Variants in TENM3 observed in about 807,000 individuals in gnomAD.
The protein encoded by TENM3 is teneurin-3.
Under a neutral mutation model 255.1 loss-of-function variants are expected in TENM3, and 63 were observed. The ratio of observed to expected loss-of-function variants is 0.25; its 90% CI spans 0.20 to 0.30. The LOEUF (loss-of-function observed/expected upper bound fraction) is 0.30, where lower values mean the gene tolerates loss of function less well. TENM3 is among the 10% of genes least tolerant of loss of function. The pLI, the probability that TENM3 is intolerant of heterozygous loss-of-function variation, is 1.00. For missense variants in TENM3, 2,929 were observed against 3,461.1 expected, an observed-to-expected ratio of 0.85 and a Z score of 3.86; for synonymous variants, 1,306 against 1,322.3, an observed-to-expected ratio of 0.99 and a Z score of 0.27.
chr4:182,109,771 T>C, the TENM3 span, among the ~76,000 whole-genome samples: 1 of 152,198 alleles, frequency 6.6e-6, no homozygotes, highest in Non-Finnish European at 1.5e-5. Flanking sequence ...GAAAGGAAAG[T>C]GAATTAAAAT....
At chr4:181,525,040 G>A in the TENM3 span, among the ~76,000 whole-genome samples, 3 of 152,146 alleles carry the variant, frequency 2.0e-5, no homozygotes, top group Non-Finnish European at 4.4e-5. Context: ...TGAACCTATT[G>A]TTTAATGCAG....
At chr4:182,109,440 G>A in the TENM3 span, among the ~76,000 whole-genome samples, 1 of 151,434 alleles carries the variant, frequency 6.6e-6, no homozygotes, top group African/African-American at 2.4e-5. Context: ...TTTTGAATAC[G>A]AACTTATTCT....
At chr4:181,805,933 G>A in the TENM3 span, among the ~76,000 whole-genome samples, 1 of 151,866 alleles carries the variant, frequency 6.6e-6, no homozygotes, top group Non-Finnish European at 1.5e-5. Context: ...CTCTTTCCCC[G>A]TAAAATAAGG....
At chr4:182,183,537 G>T (rs1035812576) in intron 1 of TENM3, among the ~76,000 whole-genome samples, 1 of 152,168 alleles carries the variant, frequency 6.6e-6, no homozygotes, top group Admixed American at 6.5e-5. Context: ...CTCCAGGAAT[G>T]ATAAGGAATG....
the TENM3 span, among the ~76,000 whole-genome samples, chr4:182,035,225 T>C: frequency 6.6e-6 from 1 of 152,258 alleles, no homozygotes; most frequent in African/African-American, 2.4e-5. Flanking sequence ...GTCTTACATG[T>C]TGAGTCCAAA....
At chr4:182,398,908 C>G (rs1463300636) in intron 3 of TENM3, among the ~76,000 whole-genome samples, 3 of 152,164 alleles carry the variant, frequency 2.0e-5, no homozygotes. Context: ...ATTGCCAACT[C>G]CTTAGTTCAA....
intron 1 of TENM3, among the ~76,000 whole-genome samples, chr4:182,166,713 C>T (rs1455088578): frequency 6.6e-6 from 1 of 152,114 alleles, no homozygotes; most frequent in African/African-American, 2.4e-5. Flanking sequence ...CTCACTGCAA[C>T]CTCTGCCTCC....
intron 3 of TENM3, among the ~76,000 whole-genome samples, chr4:182,453,074 G>T (rs953017312): frequency 1.3e-5 from 2 of 151,868 alleles, no homozygotes; most frequent in African/African-American, 4.8e-5. Context: ...TGAAAGGATG[G>T]TATTTTCATA....
rs4380559 is a variant in TENM3, at chr4:182,799,283, G to C, written c.7345-313G>C. On this transcript the variant is annotated intron_variant, in intron 27 of 27. Transcript: ENST00000511685. The surrounding 1 kb of genome is among the most constrained non-coding windows in gnomAD (Gnocchi z 4.2). ...GCTGGGTTCCCCACGTGGGGTGGGAGTGGGAAAAGAGCATCTAGAAACTGT... is the reference window on the plus strand; with the variant it reads ...GCTGGGTTCCCCACGTGGGGTGGGACTGGGAAAAGAGCATCTAGAAACTGT... Among the ~76,000 whole-genome samples, 1 of 152,224 alleles carries C rather than the reference G, an allele frequency of 6.6e-6. No individual in the cohort carries two copies. The highest frequency in any genetic ancestry group is 1.5e-5 in the Non-Finnish European group (1 of 68,034).
chr4:181,554,368 T>C, the TENM3 span, among the ~76,000 whole-genome samples: 1 of 152,206 alleles, frequency 6.6e-6, no homozygotes, highest in Non-Finnish European at 1.5e-5. Context: ...GCATGCTTCC[T>C]GCTTGTAACT....
intron 3 of TENM3, among the ~76,000 whole-genome samples, chr4:182,445,209 C>T (rs7692207): frequency 0.57 from 86,746 of 151,982 alleles, 25,049 homozygotes; most frequent in South Asian, 0.64. Flanking sequence ...TGTGTTTAGG[C>T]CCAAGCACTC....
At chr4:181,579,159 C>T in the TENM3 span, among the ~76,000 whole-genome samples, 11 of 152,176 alleles carry the variant, frequency 7.2e-5, no homozygotes, top group East Asian at 1.9e-3. Flanking sequence ...CCAGGTCAGG[C>T]TCCTGCTCAC....
At chr4:182,106,355 G>C in the TENM3 span, among the ~76,000 whole-genome samples, 2 of 152,104 alleles carry the variant, frequency 1.3e-5, no homozygotes. Flanking sequence ...TAGCTATTCA[G>C]GAGGCTGAGG....
At chr4:182,363,412 T>C (rs1766176948) in intron 3 of TENM3, among the ~76,000 whole-genome samples, 1 of 151,944 alleles carries the variant, frequency 6.6e-6, no homozygotes, top group Admixed American at 6.6e-5. Flanking sequence ...TATATTCATA[T>C]ATGTACATAT....
chr4:182,622,325 T>A (rs1010983000), intron 4 of TENM3, among the ~76,000 whole-genome samples: 1 of 152,128 alleles, frequency 6.6e-6, no homozygotes, highest in Non-Finnish European at 1.5e-5. Flanking sequence ...CCAGCCTAGA[T>A]GACAAGAGCA....
the TENM3 span, among the ~76,000 whole-genome samples, chr4:181,622,137 T>G: frequency 1.3e-5 from 2 of 152,168 alleles, no homozygotes; most frequent in African/African-American, 4.8e-5. Flanking sequence ...GTGATTTCTC[T>G]GTATTAGTCA....
At chr4:181,702,224 C>T in the TENM3 span, among the ~76,000 whole-genome samples, 3,975 of 152,260 alleles carry the variant, frequency 0.026, 180 homozygotes, top group African/African-American at 0.091. Context: ...TCCTCGCTGT[C>T]ATTCCTTCGT....
chr4:181,763,455 A>G, the TENM3 span, among the ~76,000 whole-genome samples: 31 of 152,340 alleles, frequency 2.0e-4, 1 homozygote, highest in African/African-American at 6.5e-4. Flanking sequence ...CTGTTTTTAT[A>G]TGGCCCATGA....
At chr4:181,487,367 A>G in the TENM3 span, among the ~76,000 whole-genome samples, 1 of 152,302 alleles carries the variant, frequency 6.6e-6, no homozygotes, top group Admixed American at 6.5e-5. Context: ...AAAATACCAT[A>G]GACTGCATGG....
Sources: allele counts gnomAD v4.1 joint callset (sites outside exome capture counted in the v4.1 genomes callset), GRCh38; gene constraint gnomAD v4.1.1; non-coding constraint Gnocchi (gnomAD v3.1); transcripts MANE v1.5; gene names NCBI Gene and HGNC (gene_info 2026-07-23, HGNC 2026-07-21).